Variants in DONSON observed in about 807,000 individuals in gnomAD.
DONSON encodes the protein DNA replication fork stabilization factor DONSON.
DONSON carries 43 observed loss-of-function variants against 62.1 expected under a neutral mutation model. That is an observed-to-expected ratio of 0.69 (90% CI 0.54 to 0.89). DONSON has a LOEUF of 0.89. DONSON is among the 40% of genes least tolerant of loss of function. The pLI, the probability that DONSON is intolerant of heterozygous loss-of-function variation, is 0.00. For synonymous variants in DONSON, 266 were observed against 264.6 expected (o/e 1.01, Z -0.05); for missense variants, 696 against 697.5 (o/e 1.00, Z 0.03).
At position 33,578,441 on chromosome 21, in the gene DONSON, C is replaced by T; in HGVS notation, c.1567G>A (p.Val523Ile). 1 of 1,612,858 alleles carries T rather than the reference C, an allele frequency of 6.2e-7. No homozygotes were observed. Among genetic ancestry groups the T allele is most frequent in the Non-Finnish European group, 8.5e-7 (1 of 1,179,400 alleles). Residue 523 changes from valine to isoleucine, a missense_variant, in exon 10 of 10, where the codon GTT (valine) becomes ATT (isoleucine). Val to Ile is a conservative substitution (Grantham distance 29). Transcript: ENST00000303071. ...LQMDKVLDME[V>I]VHKELTNCGL... ...CAGTTAGTAAGCTCCTTATGAACAA[C>T]CTCCTGTGGAAATGTGTGTACAAGT...
intron 9 of DONSON, 91 bp from the exon 10 acceptor site, chr21:33,578,535 T>G (rs1569073886): frequency 7.4e-7 from 1 of 1,344,448 alleles, no homozygotes; most frequent in Non-Finnish European, 1.0e-6. Flanking sequence ...GACAAATAAA[T>G]GGCTGATTAA....
intron 9 of DONSON, 74 bp downstream of exon 9, chr21:33,579,276 A>G: frequency 8.6e-7 from 1 of 1,158,846 alleles, no homozygotes; most frequent in East Asian, 2.4e-5. Flanking sequence ...GACTCAGCAT[A>G]AATGACTCAA....
Position 33,578,421 on chromosome 21 carries a change from A to G in DONSON, c.1587T>C (p.Thr529=). The G allele has an allele frequency of 1.2e-6, 2 of 1,613,906 alleles. No homozygotes were observed. The highest frequency in any genetic ancestry group is 1.7e-6 in the Non-Finnish European group (2 of 1,179,888). Residue 529 remains threonine, a synonymous_variant, in exon 10 of 10, where the codon ACT becomes ACC. Transcript: ENST00000303071. ...LDMEVVHKEL[T]NCGLHPNTLE... The stretch of plus-strand genomic sequence containing the variant: ...GAGTGTTAGGGTGCAAACCACAGTT[A>G]GTAAGCTCCTTATGAACAACCTCCT...
chr21:33,584,048 T>TATATAC, intron 4 of DONSON, among the ~76,000 whole-genome samples: 1 of 117,356 alleles, frequency 8.5e-6, no homozygotes, highest in African/African-American at 3.5e-5. Context: ...ATATATATAC[T>TATATAC]TTTTTTTTTT....
chr21:33,578,498 AAG>A, intron 9 of DONSON, 54 bp from the exon 10 acceptor site: 1 of 1,535,320 alleles, frequency 6.5e-7, no homozygotes, highest in Non-Finnish European at 8.8e-7. Flanking sequence ...TTAAACACAG[AAG>A]AGTTAAATAA....
At position 33,579,437 on chromosome 21, in the gene DONSON, C is replaced by G; in HGVS notation, c.1476G>C (p.Gln492His). The change falls in exon 9 of 10, where the codon CAG (glutamine) becomes CAC (histidine). Residue 492 changes from glutamine (Q) to histidine (H), a missense_variant. Physicochemically the swap from Gln to His is conservative, Grantham distance 24 (BLOSUM62 0). Coordinates refer to ENST00000303071, the MANE Select transcript of DONSON (RefSeq NM_017613.4). ...ACAGTACTGCAGAGAAAGATCCACT[C>G]TGTGAAGATTTGAGCAGCATGGTCA... ...HSLTMLLKSSQSGSFSAVLYP... is the reference protein window; with the variant it reads ...HSLTMLLKSSHSGSFSAVLYP... 6.2e-7 allele frequency: 1 copy of G among 1,614,192 alleles called. No homozygotes were observed. Among genetic ancestry groups the G allele is most frequent in the South Asian group, 1.1e-5 (1 of 91,086 alleles).
At position 33,587,990 on chromosome 21, in the gene DONSON, G is replaced by A. The variant is rs543746783; in HGVS notation, c.321+331C>T. Among the ~76,000 whole-genome samples the A allele has an allele frequency of 5.3e-4, 81 of 152,238 alleles. 2 individuals are homozygous for A. In the South Asian group the frequency reaches 0.014, roughly 26 times the overall value. On this transcript the variant is annotated intron_variant, in intron 1 of 9. Coordinates refer to ENST00000303071, the MANE Select transcript of DONSON (RefSeq NM_017613.4). ...ATCGAACAGCGTCCTTGCAAGATGG[G>A]GGCTCTCAGGGTTTTTCGAGCTCTT... is the stretch of plus-strand genomic sequence containing the variant.
chr21:33,580,462 TCAAAAAAAAAAAAAAAAAAAAAAAAAA>T (rs2086493872), intron 8 of DONSON, among the ~76,000 whole-genome samples: 1 of 21,468 alleles, frequency 4.7e-5, no homozygotes, highest in African/African-American at 1.7e-4. Context: ...AGATTCCACC[TCAAAAAAAAAAAAAAAAAAAAAAAAAA>T]AAAAAAAAAA....
intron 5 of DONSON, 84 bp downstream of exon 5, chr21:33,583,404 A>G: frequency 1.9e-6 from 2 of 1,079,660 alleles, no homozygotes; most frequent in Non-Finnish European, 1.3e-6. Flanking sequence ...AACTGGTAAA[A>G]GGCATTTTAA....
Position 33,582,054 on chromosome 21 carries a change from C to G in DONSON, c.1048G>C (p.Glu350Gln), listed in dbSNP as rs149158600. The part of the protein sequence containing the change: ...ASGTSLGYGE[E>Q]QAISDEDEEE... ...TCATCCTCATCACTGATGGCTTGCT[C>G]CCTAGGAAATTGCTACAGTTAGAGT... The change falls in exon 7 of 10, where the codon GAG (glutamate) becomes CAG (glutamine). Residue 350 changes from glutamate to glutamine, a missense_variant and splice_region_variant. Transcript: ENST00000303071. 76 of 1,614,082 alleles carry G rather than the reference C, an allele frequency of 4.7e-5. No homozygotes were observed. Among genetic ancestry groups the G allele is most frequent in the Middle Eastern group, 1.7e-4 (1 of 6,058 alleles).
intron 8 of DONSON, among the ~76,000 whole-genome samples, chr21:33,580,504 A>G (rs1013616245): frequency 6.5e-5 from 8 of 124,004 alleles, no homozygotes; most frequent in Admixed American, 1.8e-4. Context: ...AAAAAAAAAA[A>G]GCAGGGCATG....
chr21:33,581,294 T>A lies in DONSON; in HGVS notation c.1350+8A>T. On this transcript the variant is annotated splice_region_variant and intron_variant, in intron 8 of 9. Transcript: ENST00000303071. ...TCTTAAAAGCTAGGTTATGCAGACT[T>A]TTATTACCTTAAGCATTTGCATTGT... 6.2e-7 allele frequency: 1 copy of A among 1,613,414 alleles called. No homozygotes were observed. The highest frequency in any genetic ancestry group is 8.5e-7 in the Non-Finnish European group (1 of 1,179,564).
intron 5 of DONSON, 88 bp from the exon 6 acceptor site, chr21:33,582,334 G>A: frequency 9.1e-7 from 1 of 1,099,224 alleles, no homozygotes; most frequent in Non-Finnish European, 1.3e-6. Context: ...AATTTGAAAT[G>A]TTAGTTTTTA....
In DONSON at chr21:33,580,654, A is replaced by T. The variant is rs549085982; in HGVS notation, c.1350+648T>A. Among the ~76,000 whole-genome samples the T allele has an allele frequency of 1.1e-4, 17 of 151,482 alleles. No homozygotes were observed. In the South Asian group the frequency reaches 3.6e-3, roughly 32 times the overall value. ...CCAAAAAAAGAAAATAAATGTTCGTATAATTTAAAAAGAGGCCAGGAGTTC... is the reference window on the plus strand; with the variant it reads ...CCAAAAAAAGAAAATAAATGTTCGTTTAATTTAAAAAGAGGCCAGGAGTTC... On this transcript the variant is annotated intron_variant, in intron 8 of 9. Coordinates refer to ENST00000303071, the MANE Select transcript of DONSON (RefSeq NM_017613.4).
In DONSON at chr21:33,585,975, T is replaced by C; in HGVS notation, c.606+3A>G. The C allele has an allele frequency of 6.2e-7, 1 of 1,613,938 alleles. No individual in the cohort carries two copies. The highest frequency in any genetic ancestry group is 8.5e-7 in the Non-Finnish European group (1 of 1,179,804). On this transcript the variant is annotated splice_donor_region_variant and intron_variant, in intron 3 of 9. Coordinates refer to ENST00000303071, the MANE Select transcript of DONSON (RefSeq NM_017613.4). ...ACACATAACTATTTTATTTCAGAGT[T>C]ACCTGTATACTTTTAGGCAAAGTAA...
rs557461256 is a variant in DONSON, at chr21:33,584,506, C to T, written c.785+84G>A. On this transcript the variant is annotated intron_variant, in intron 4 of 9. Transcript: ENST00000303071. Reference sequence around the variant, plus strand: ...GATCTAGATACCCTTCTGCCATTAACGTATCCAGTCACAAATATGATAGAG... The same window carrying T: ...GATCTAGATACCCTTCTGCCATTAATGTATCCAGTCACAAATATGATAGAG... 7.4e-5 allele frequency: 97 copies of T among 1,306,002 alleles called. No homozygotes were observed. The East Asian group carries it at 1.3e-3, about 17-fold the overall frequency. 80.9% of individuals were successfully genotyped at this position (1,306,002 alleles called of 1,614,324 possible). A position where few individuals can be genotyped will look rare whatever the true frequency, so the allele number is the denominator to read the frequency against.
chr21:33,579,043 CAGG>C (rs1302924598), intron 9 of DONSON, among the ~76,000 whole-genome samples: 1 of 150,986 alleles, frequency 6.6e-6, no homozygotes, highest in African/African-American at 2.4e-5. Flanking sequence ...GAGGCTGAGG[CAGG>C]AGAACTGTTT....
At chr21:33,579,097 C>T (rs1004187282) in intron 9 of DONSON, among the ~76,000 whole-genome samples, 1 of 151,898 alleles carries the variant, frequency 6.6e-6, no homozygotes, top group African/African-American at 2.4e-5. Context: ...GAGACTCGCG[C>T]CGCTGCACTC....
chr21:33,584,014 T>TTATATATATATATATATATATA (rs57309977), intron 4 of DONSON, among the ~76,000 whole-genome samples: 8 of 121,552 alleles, frequency 6.6e-5, no homozygotes, highest in Non-Finnish European at 9.9e-5. Flanking sequence ...GGCTGCGTGT[T>TTATATATATATATATATATATA]TATATATATA....
Sources: allele counts gnomAD v4.1 joint callset (sites outside exome capture counted in the v4.1 genomes callset), GRCh38; gene constraint gnomAD v4.1.1; transcripts MANE v1.5; gene names NCBI Gene and HGNC (gene_info 2026-07-23, HGNC 2026-07-21).